Variants in ADGRL2 observed in about 807,000 individuals in gnomAD.
ADGRL2 encodes the protein calcium-independent alpha-latrotoxin receptor 2.
ADGRL2 carries 44 observed loss-of-function variants against 157.4 expected under a neutral mutation model. The observed-to-expected ratio is 0.28, with a 90% CI of 0.22 to 0.36. The LOEUF (loss-of-function observed/expected upper bound fraction) is 0.36, where lower values mean the gene tolerates loss of function less well. Ranked by LOEUF, ADGRL2 falls within the 10% of genes least tolerant of loss-of-function variation. The probability of loss-of-function intolerance (pLI) is 1.00; values close to 1 mark genes in which losing one functional copy is unlikely to be tolerated. For missense variants in ADGRL2, 1,510 were observed against 1,768.9 expected (o/e 0.85, Z 2.63); for synonymous variants, 585 against 624.7 (o/e 0.94, Z 0.95).
chr1:81,845,932 A>G (rs1436445696), intron 2 of ADGRL2, among the ~76,000 whole-genome samples: 1 of 151,822 alleles, frequency 6.6e-6, no homozygotes. Flanking sequence ...GAGACCTTCC[A>G]TTATTTTATG....
intron 1 of ADGRL2, among the ~76,000 whole-genome samples, chr1:81,316,357 T>A (rs371147663): frequency 7.2e-5 from 11 of 152,180 alleles, no homozygotes; most frequent in African/African-American, 2.4e-4. Flanking sequence ...TCACTTGATG[T>A]TCAGGATCAA....
intron 2 of ADGRL2, among the ~76,000 whole-genome samples, chr1:81,856,938 T>C (rs2093223958): frequency 6.6e-6 from 1 of 152,200 alleles, no homozygotes; most frequent in African/African-American, 2.4e-5. Flanking sequence ...TGGGAAACTT[T>C]TGTTATAGAT....
At chr1:81,391,705 A>G (rs1166209619) in intron 1 of ADGRL2, among the ~76,000 whole-genome samples, 3 of 152,008 alleles carry the variant, frequency 2.0e-5, no homozygotes, top group Non-Finnish European at 4.4e-5. Flanking sequence ...AGCCACTTAC[A>G]CTTCACTCTC....
intron 1 of ADGRL2, among the ~76,000 whole-genome samples, chr1:81,401,959 T>C (rs1192674874): frequency 1.3e-5 from 2 of 152,110 alleles, no homozygotes; most frequent in East Asian, 3.8e-4. Context: ...AAGATTTCCC[T>C]CTAAAGGATT....
At chr1:81,338,255 G>A (rs1048129144) in intron 1 of ADGRL2, among the ~76,000 whole-genome samples, 4 of 152,016 alleles carry the variant, frequency 2.6e-5, no homozygotes, top group Non-Finnish European at 5.9e-5. Flanking sequence ...TCCAGCTACC[G>A]GGGAGGCTAA....
chr1:81,707,950 A>C (rs2083793808), intron 1 of ADGRL2, among the ~76,000 whole-genome samples: 1 of 152,120 alleles, frequency 6.6e-6, no homozygotes, highest in Non-Finnish European at 1.5e-5. Flanking sequence ...TTATCCATGT[A>C]CCACATTAAC....
At chr1:81,410,597 A>T (rs2076930449) in intron 1 of ADGRL2, among the ~76,000 whole-genome samples, 1 of 152,232 alleles carries the variant, frequency 6.6e-6, no homozygotes, top group South Asian at 2.1e-4. Context: ...TCCTTCAGGC[A>T]GACTGACAAG....
In ADGRL2 at chr1:81,990,853, T is replaced by C. The variant is rs758837991; in HGVS notation, c.4118T>C (p.Leu1373Pro). Residue 1373 changes from leucine (L) to proline (P), a missense_variant, in exon 24 of 24, where the codon CTA becomes CCA. This residue lies in a region of ADGRL2 where 327 missense variants were observed against 310.1 expected (regional missense o/e 1.05). Transcript: ENST00000686636. ...CTGACAGCAGAGGCTGAAGATCACC[T>C]ACAGTCCCCCAACAGAGACTCTCTT... is the stretch of plus-strand genomic sequence containing the variant. Reference protein sequence around the residue: ...SQLTAEAEDHLQSPNRDSLYT... With the variant: ...SQLTAEAEDHPQSPNRDSLYT... 50 of 1,613,954 alleles carry C rather than the reference T, an allele frequency of 3.1e-5. No homozygotes were observed. Among genetic ancestry groups the C allele is most frequent in the Non-Finnish European group, 1.4e-5 (16 of 1,180,018 alleles).
chr1:81,543,974 G>T (rs1378655371), intron 2 of ADGRL2, among the ~76,000 whole-genome samples: 2 of 151,994 alleles, frequency 1.3e-5, no homozygotes, highest in Non-Finnish European at 2.9e-5. Flanking sequence ...CTAGATAGCC[G>T]CAGGGTACAT....
chr1:81,313,669 A>C (rs973204866), intron 1 of ADGRL2, among the ~76,000 whole-genome samples: 1 of 152,186 alleles, frequency 6.6e-6, no homozygotes, highest in South Asian at 2.1e-4. Flanking sequence ...TTCTAAGAGG[A>C]CTCTCCTTCT....
chr1:81,351,150 G>C (rs1370216650), intron 1 of ADGRL2, among the ~76,000 whole-genome samples: 2 of 151,746 alleles, frequency 1.3e-5, no homozygotes, highest in African/African-American at 4.8e-5. Context: ...GAGGTTTAAC[G>C]CTTGGCAGTT....
At chr1:81,884,089 G>T (rs1382868557) in intron 2 of ADGRL2, among the ~76,000 whole-genome samples, 1 of 151,424 alleles carries the variant, frequency 6.6e-6, no homozygotes, top group Admixed American at 6.6e-5. Context: ...GGGCTCAAGT[G>T]ATCCTCCCCC....
intron 1 of ADGRL2, among the ~76,000 whole-genome samples, chr1:81,313,981 A>G (rs1338502502): frequency 6.6e-6 from 1 of 152,166 alleles, no homozygotes; most frequent in Non-Finnish European, 1.5e-5. Context: ...ATTTCCTATG[A>G]AAGATGATAT....
At chr1:81,876,487 C>G (rs1012294453) in intron 2 of ADGRL2, among the ~76,000 whole-genome samples, 3 of 151,940 alleles carry the variant, frequency 2.0e-5, no homozygotes, top group Admixed American at 6.6e-5. Context: ...ATTACTTTTT[C>G]CTTTGATTCT....
intron 2 of ADGRL2, among the ~76,000 whole-genome samples, chr1:81,776,298 C>CCTGCCT (rs1291179853): frequency 6.6e-6 from 1 of 151,920 alleles, no homozygotes; most frequent in South Asian, 2.1e-4. Flanking sequence ...AAGCAATTCT[C>CCTGCCT]CTGCCTCTGC....
At chr1:81,965,935 C>CA in intron 11 of ADGRL2, 123 bp from the exon 12 acceptor site, 3 of 973,636 alleles carry the variant, frequency 3.1e-6, no homozygotes, top group Non-Finnish European at 4.5e-6. Flanking sequence ...TGAAACCTAA[C>CA]AGTAAAATTT....
At chr1:81,953,057 C>T in intron 10 of ADGRL2, 32 bp downstream of exon 10, 1 of 1,591,304 alleles carries the variant, frequency 6.3e-7, no homozygotes, top group Non-Finnish European at 8.6e-7. Context: ...CCTGCTTTCT[C>T]CCTTCTTCAG....
In ADGRL2 at chr1:81,505,396, G is replaced by C. The variant is rs554655769; in HGVS notation, c.-248+60307G>C. ...TCTTTCTCAGGGGTTTGGTCACAAA[G>C]GATGGACTCTTCCCACCCAGAGGAT... is the stretch of plus-strand genomic sequence containing the variant. On this transcript the variant is annotated intron_variant, in intron 2 of 24. Coordinates refer to the ADGRL2 transcript ENST00000370721. Among the ~76,000 whole-genome samples the C allele has an allele frequency of 2.0e-5, 3 of 151,038 alleles. No individual in the cohort carries two copies. In the East Asian group the frequency reaches 5.9e-4, roughly 30 times the overall value.
chr1:81,493,732 A>C (rs1464436388), intron 2 of ADGRL2, among the ~76,000 whole-genome samples: 1 of 152,170 alleles, frequency 6.6e-6, no homozygotes, highest in Non-Finnish European at 1.5e-5. Context: ...TTGCCAGAAA[A>C]AATGGACAGA....
Sources: allele counts gnomAD v4.1 joint callset (sites outside exome capture counted in the v4.1 genomes callset), GRCh38; gene constraint gnomAD v4.1.1; regional missense constraint gnomAD v4.1.1; transcripts MANE v1.5; gene names NCBI Gene and HGNC (gene_info 2026-07-23, HGNC 2026-07-21).